Variants in USP14 observed in about 807,000 individuals in gnomAD.
USP14 encodes the protein ubiquitin carboxyl-terminal hydrolase 14.
A neutral mutation model predicts 76.5 loss-of-function variants in USP14; 38 were observed. The ratio of observed to expected loss-of-function variants is 0.50; its 90% CI spans 0.38 to 0.65. The LOEUF (loss-of-function observed/expected upper bound fraction) is 0.65, where lower values mean the gene tolerates loss of function less well. Among genes scored for constraint, USP14 ranks in the 30% least tolerant of loss-of-function variants. The probability of loss-of-function intolerance (pLI) is 0.00; values close to 1 mark genes in which losing one functional copy is unlikely to be tolerated. For synonymous variants in USP14, 192 were observed against 191.7 expected (o/e 1.00, Z -0.01); for missense variants, 467 against 586.5 (o/e 0.80, Z 2.10).
At position 212,896 on chromosome 18, in the gene USP14, CTGA is replaced by C. The variant is rs772812026; in HGVS notation, c.*1617_*1619del. Reference sequence around the variant, plus strand: ...TTTTAATGCTCGGCAGAGCACAACACTGATGATAACTATTAAAAATAGAAAATA... The same window carrying C: ...TTTTAATGCTCGGCAGAGCACAACACTGATAACTATTAAAAATAGAAAATA... On this transcript the variant is annotated 3_prime_UTR_variant, in exon 16 of 16. Transcript: ENST00000261601. The C allele has an allele frequency of 1.1e-4, 17 of 152,182 alleles. No individual in the cohort carries two copies. The highest frequency in any genetic ancestry group is 2.1e-4 in the Non-Finnish European group (14 of 68,036). 9.4% of individuals were successfully genotyped at this position (152,182 alleles called of 1,614,324 possible).
At chr18:177,283 G>A (rs1909652448) in intron 3 of USP14, among the ~76,000 whole-genome samples, 1 of 151,882 alleles carries the variant, frequency 6.6e-6, no homozygotes, top group Non-Finnish European at 1.5e-5. Context: ...TTGGCCTGGT[G>A]GGGTGGCTTA....
chr18:194,198 A>G (rs1340802263), intron 6 of USP14, among the ~76,000 whole-genome samples: 1 of 152,070 alleles, frequency 6.6e-6, no homozygotes, highest in Non-Finnish European at 1.5e-5. Flanking sequence ...CTTTTGTGTC[A>G]TTTGCAGTTA....
chr18:176,592 AGTATATATG>A (rs1175570772), intron 3 of USP14, among the ~76,000 whole-genome samples: 41 of 152,172 alleles, frequency 2.7e-4, no homozygotes, highest in African/African-American at 9.4e-4. Flanking sequence ...TTGAGTGCTT[AGTATATATG>A]GTATAGTTTT....
intron 7 of USP14, among the ~76,000 whole-genome samples, chr18:197,191 G>A (rs995555028): frequency 6.6e-6 from 1 of 152,200 alleles, no homozygotes; most frequent in South Asian, 2.1e-4. Flanking sequence ...TTCTTTGGCT[G>A]TCAGATAAGT....
At chr18:176,165 A>G (rs1909621869) in intron 3 of USP14, among the ~76,000 whole-genome samples, 1 of 152,150 alleles carries the variant, frequency 6.6e-6, no homozygotes, top group African/African-American at 2.4e-5. Flanking sequence ...CCCCCAAAAA[A>G]AAAACATTTG....
At position 163,395 on chromosome 18, in the gene USP14, C is replaced by A. The variant is rs201080569; in HGVS notation, c.104C>A (p.Ala35Glu). Residue 35 changes from alanine (A) to glutamate (E), a missense_variant, in exon 2 of 16, where the codon GCG becomes GAG. Coordinates refer to ENST00000261601, the MANE Select transcript of USP14 (RefSeq NM_005151.4). ...ATGGTATTCAAGGCTCAGCTGTTTG[C>A]GTTGACTGGAGTCCAGCCTGCCAGA... ...PPMVFKAQLFALTGVQPARQK... is the reference protein window; with the variant it reads ...PPMVFKAQLFELTGVQPARQK... The A allele has an allele frequency of 6.2e-7, 1 of 1,613,458 alleles. No homozygotes were observed. The highest frequency in any genetic ancestry group is 1.1e-5 in the South Asian group (1 of 90,956).
At chr18:210,199 AGT>A in intron 14 of USP14, 168 bp downstream of exon 14, 1 of 690,612 alleles carries the variant, frequency 1.4e-6, no homozygotes. Context: ...ATTGGCATAC[AGT>A]TCTATGAGTA....
intron 8 of USP14, among the ~76,000 whole-genome samples, 166 bp from the exon 9 acceptor site, chr18:197,881 A>G (rs1417342159): frequency 2.0e-5 from 3 of 152,032 alleles, no homozygotes; most frequent in Non-Finnish European, 4.4e-5. Flanking sequence ...TTAATGTATT[A>G]TTTATTAAAC....
chr18:173,670 A>G (rs1297966787), intron 3 of USP14, among the ~76,000 whole-genome samples: 3 of 142,526 alleles, frequency 2.1e-5, no homozygotes, highest in Middle Eastern at 4.3e-3. Flanking sequence ...TGATCCGCCC[A>G]CCTCGGCCTC....
At chr18:194,499 G>A (rs543659346) in intron 6 of USP14, among the ~76,000 whole-genome samples, 3 of 151,982 alleles carry the variant, frequency 2.0e-5, no homozygotes, top group Non-Finnish European at 2.9e-5. Context: ...ACTTTTAGTC[G>A]CATTTGGTTT....
chr18:172,633 T>A (rs1909496774), intron 3 of USP14, among the ~76,000 whole-genome samples: 2 of 152,154 alleles, frequency 1.3e-5, no homozygotes, highest in African/African-American at 4.8e-5. Flanking sequence ...AGTGCCGTGA[T>A]CAGTCAGTAG....
chr18:212,637 C>CTGTT lies in USP14; in HGVS notation c.*1355_*1358dup, dbSNP rs1465117177. Reference sequence around the variant, plus strand: ...AGAAAAAATTCCCAAATCTTAATGTCTGTTTCAGAATTTTAGTGATTTTAA... The same window carrying CTGTT: ...AGAAAAAATTCCCAAATCTTAATGTCTGTTTGTTTCAGAATTTTAGTGATTTTAA... On this transcript the variant is annotated 3_prime_UTR_variant, in exon 16 of 16. Coordinates refer to ENST00000261601, the MANE Select transcript of USP14 (RefSeq NM_005151.4). 2.0e-5 allele frequency: 3 copies of CTGTT among 151,914 alleles called. No individual in the cohort carries two copies. Among genetic ancestry groups the CTGTT allele is most frequent in the South Asian group, 4.2e-4 (2 of 4,818 alleles). 9.4% of individuals were successfully genotyped at this position (151,914 alleles called of 1,614,324 possible). A position where few individuals can be genotyped will look rare whatever the true frequency, so the allele number is the denominator to read the frequency against.
rs577106236 is a variant in USP14 at position 162,438 on chromosome 18, GAT to G, written c.17-867_17-866del. ...TTTCTATATATTTTTAAATGATTTA[GAT>G]ATGTCTTTGGATTTTTTCTTAATTG... On this transcript the variant is annotated intron_variant, in intron 1 of 15. Coordinates refer to ENST00000261601, the MANE Select transcript of USP14 (RefSeq NM_005151.4). Among the ~76,000 whole-genome samples the G allele has an allele frequency of 4.5e-4, 68 of 152,246 alleles. 2 individuals are homozygous for G. The South Asian group carries it at 0.013, about 30-fold the overall frequency.
rs1382696560 is a variant in USP14, at chr18:213,450, TTAAC to T, written c.*2170_*2173del. ...GGAGTTAGTTATACCAGTGTTGTTT[TTAAC>T]TAATAAGGCTATTTTAGAATTCAGC... On this transcript the variant is annotated 3_prime_UTR_variant, in exon 16 of 16. Coordinates refer to ENST00000261601, the MANE Select transcript of USP14 (RefSeq NM_005151.4). 6.6e-6 allele frequency: 1 copy of T among 152,530 alleles called. No homozygotes were observed. Among genetic ancestry groups the T allele is most frequent in the East Asian group, 1.9e-4 (1 of 5,192 alleles). The allele number at this position is 152,530 out of a possible 1,614,324, so 9.4% of individuals were successfully genotyped here. A position where few individuals can be genotyped will look rare whatever the true frequency, so the allele number is the denominator to read the frequency against.
intron 3 of USP14, among the ~76,000 whole-genome samples, chr18:169,360 C>CAAAAAAAA (rs11336218): frequency 1.3e-5 from 1 of 79,386 alleles, no homozygotes; most frequent in African/African-American, 4.8e-5. Context: ...GACTCTACCT[C>CAAAAAAAA]AAAAAAAAAA....
chr18:163,166 C>T (rs111713539), intron 1 of USP14, 142 bp from the exon 2 acceptor site: 1 of 673,620 alleles, frequency 1.5e-6, no homozygotes. Context: ...GCATGCTCCT[C>T]TTGATTAGGT....
Position 211,211 on chromosome 18 carries a change from A to G in USP14, c.1412A>G (p.Asp471Gly), listed in dbSNP as rs1470785704. The change falls in exon 16 of 16, where the codon GAC (aspartate) becomes GGC (glycine). Residue 471 changes from aspartate to glycine, a missense_variant. By Grantham distance (94) the Asp-to-Gly change is moderately conservative (BLOSUM62 -1). Coordinates refer to ENST00000261601, the MANE Select transcript of USP14 (RefSeq NM_005151.4). Reference protein sequence around the residue: ...EDILRLSGGGDWHIAYVLLYG... With the variant: ...EDILRLSGGGGWHIAYVLLYG... Reference sequence around the variant, plus strand: ...ATCTTACGGCTTTCTGGTGGTGGAGACTGGCATATCGCTTACGTTCTACTC... The same window carrying G: ...ATCTTACGGCTTTCTGGTGGTGGAGGCTGGCATATCGCTTACGTTCTACTC... 6.2e-7 allele frequency: 1 copy of G among 1,613,934 alleles called. No individual in the cohort carries two copies. The highest frequency in any genetic ancestry group is 8.5e-7 in the Non-Finnish European group (1 of 1,179,962).
Position 197,622 on chromosome 18 carries a change from A to G in USP14, c.601A>G (p.Asn201Asp), listed in dbSNP as rs752049021. The G allele has an allele frequency of 1.9e-6, 3 of 1,611,252 alleles. No homozygotes were observed. The highest frequency in any genetic ancestry group is 3.3e-5 in the Admixed American group (2 of 59,900). The change falls in exon 8 of 16, where the codon AAT (asparagine) becomes GAT (aspartate). Residue 201 changes from asparagine to aspartate, a missense_variant. Transcript: ENST00000261601. ...EQGQYLQQDA[N>D]ECWIQMMRVL... ...GTCTTTTTTTACATTACAGGATGCTAATGAATGTTGGATACAAATGATGCG... is the reference window on the plus strand; with the variant it reads ...GTCTTTTTTTACATTACAGGATGCTGATGAATGTTGGATACAAATGATGCG...
At chr18:184,072 AT>A (rs1909860306) in intron 5 of USP14, among the ~76,000 whole-genome samples, 1 of 151,938 alleles carries the variant, frequency 6.6e-6, no homozygotes, top group Admixed American at 6.6e-5. Flanking sequence ...AGCAGGGGAG[AT>A]TTCATCCTAT....
Sources: allele counts gnomAD v4.1 joint callset (sites outside exome capture counted in the v4.1 genomes callset), GRCh38; gene constraint gnomAD v4.1.1; transcripts MANE v1.5; gene names NCBI Gene and HGNC (gene_info 2026-07-23, HGNC 2026-07-21).